The following CNTNAP2 variants were observed in gnomAD, a reference collection of about 807,000 sequenced individuals.
CNTNAP2 encodes the protein contactin-associated protein-like 2.
CNTNAP2 carries 98 observed loss-of-function variants against 155.2 expected under a neutral mutation model. That is an observed-to-expected ratio of 0.63 (90% confidence interval 0.54 to 0.75). The LOEUF (loss-of-function observed/expected upper bound fraction) is 0.75, where lower values mean the gene tolerates loss of function less well. Among genes scored for constraint, CNTNAP2 ranks in the 30% least tolerant of loss-of-function variants. CNTNAP2 has a pLI of 0.00. For missense variants in CNTNAP2, 1,727 were observed against 1,688.1 expected, an observed-to-expected ratio of 1.02 and a Z score of -0.40; for synonymous variants, 651 against 631.2, an observed-to-expected ratio of 1.03 and a Z score of -0.47.
chr7:146,688,888 A>G (rs1476755157), intron 1 of CNTNAP2, among the ~76,000 whole-genome samples: 1 of 152,198 alleles, frequency 6.6e-6, no homozygotes, highest in Non-Finnish European at 1.5e-5. Context: ...TTAGCTGATT[A>G]CAGCATGCAT....
At position 147,739,048 on chromosome 7, in the gene CNTNAP2, C is replaced by T. The variant is rs140256204; in HGVS notation, c.2098+99742C>T. Reference sequence around the variant, plus strand: ...TTCTGGCAGTCTTGAACCAAGTGTACGATATCTCCAAGATATGCCTGTACC... The same window carrying T: ...TTCTGGCAGTCTTGAACCAAGTGTATGATATCTCCAAGATATGCCTGTACC... On this transcript the variant is annotated intron_variant, in intron 13 of 23. Coordinates refer to ENST00000361727, the MANE Select transcript of CNTNAP2 (RefSeq NM_014141.6). 4.2e-3 allele frequency among the ~76,000 whole-genome samples: 644 copies of T among 151,878 alleles called. 3 individuals carry two copies. The highest frequency in any genetic ancestry group is 7.5e-3 in the Non-Finnish European group (511 of 67,994).
chr7:147,649,983 C>G (rs1012214910), intron 13 of CNTNAP2, among the ~76,000 whole-genome samples: 3 of 151,970 alleles, frequency 2.0e-5, no homozygotes, highest in African/African-American at 7.2e-5. Context: ...GAATATTACT[C>G]TCTAGTTTTT....
At chr7:146,204,688 T>A (rs1798919636) in intron 1 of CNTNAP2, among the ~76,000 whole-genome samples, 1 of 152,106 alleles carries the variant, frequency 6.6e-6, no homozygotes, top group South Asian at 2.1e-4. Context: ...TTAAAACATC[T>A]TAGATATTTA....
chr7:147,402,913 T>C (rs575387539), intron 10 of CNTNAP2, among the ~76,000 whole-genome samples: 224 of 146,524 alleles, frequency 1.5e-3, no homozygotes, highest in Middle Eastern at 7.1e-3. Context: ...TACTGACTGA[T>C]GAACCCTCCC....
At chr7:147,372,819 T>C (rs1263819296) in intron 9 of CNTNAP2, among the ~76,000 whole-genome samples, 1 of 151,966 alleles carries the variant, frequency 6.6e-6, no homozygotes, top group East Asian at 1.9e-4. Flanking sequence ...AGACTCCACC[T>C]ACCTGTGCAC....
In CNTNAP2 at chr7:146,857,457, G is replaced by A. The variant is rs115088021; in HGVS notation, c.402+17553G>A. Reference sequence around the variant, plus strand: ...TTAACAGGGTATTCTTTCAAAACCAGATTGCCTTATGTGAGTATATAAATA... The same window carrying A: ...TTAACAGGGTATTCTTTCAAAACCAAATTGCCTTATGTGAGTATATAAATA... On this transcript the variant is annotated intron_variant, in intron 3 of 23. Coordinates refer to ENST00000361727, the MANE Select transcript of CNTNAP2 (RefSeq NM_014141.6). Among the ~76,000 whole-genome samples the A allele has an allele frequency of 3.3e-3, 508 of 152,264 alleles. 3 individuals carry two copies. Among genetic ancestry groups the A allele is most frequent in the African/African-American group, 0.012 (490 of 41,550 alleles).
intron 1 of CNTNAP2, among the ~76,000 whole-genome samples, chr7:146,767,191 A>G (rs1329823727): frequency 2.0e-5 from 3 of 152,184 alleles, no homozygotes. Context: ...ATGCAATTTT[A>G]TGACCTGTTT....
chr7:147,548,061 T>A (rs2116758899), intron 11 of CNTNAP2, among the ~76,000 whole-genome samples: 1 of 152,298 alleles, frequency 6.6e-6, no homozygotes, highest in East Asian at 1.9e-4. Context: ...AGTGCTGCAG[T>A]AAACATGTGT....
intron 1 of CNTNAP2, among the ~76,000 whole-genome samples, chr7:146,767,377 G>T (rs1373011228): frequency 6.6e-6 from 1 of 151,828 alleles, no homozygotes; most frequent in African/African-American, 2.4e-5. Flanking sequence ...TTAAAGACCA[G>T]ATTGTAAATG....
chr7:147,871,507 C>A (rs571766418), intron 13 of CNTNAP2, among the ~76,000 whole-genome samples: 2 of 152,254 alleles, frequency 1.3e-5, no homozygotes, highest in South Asian at 4.2e-4. Context: ...TGGTTCTTTT[C>A]CCCTCCTGGG....
chr7:147,386,879 A>C (rs530264000), intron 9 of CNTNAP2, among the ~76,000 whole-genome samples: 17 of 152,306 alleles, frequency 1.1e-4, no homozygotes, highest in Admixed American at 1.0e-3. Flanking sequence ...GAGACTGGGC[A>C]ATTTACCAAA....
chr7:146,346,766 G>C (rs377713550), intron 1 of CNTNAP2, among the ~76,000 whole-genome samples: 9 of 152,086 alleles, frequency 5.9e-5, no homozygotes, highest in African/African-American at 1.7e-4. Context: ...ATGATCTAAC[G>C]TGGGACAGTT....
intron 9 of CNTNAP2, among the ~76,000 whole-genome samples, chr7:147,322,832 ATTTC>A (rs1384064898): frequency 3.0e-5 from 4 of 134,950 alleles, no homozygotes; most frequent in Non-Finnish European, 4.6e-5. Context: ...GAATGTATCC[ATTTC>A]TTCTAGATTT....
At chr7:147,424,134 A>G (rs1797341289) in intron 10 of CNTNAP2, among the ~76,000 whole-genome samples, 1 of 151,808 alleles carries the variant, frequency 6.6e-6, no homozygotes, top group Admixed American at 6.6e-5. Flanking sequence ...CCGCTGCTCC[A>G]TTTCCTCCTC....
At chr7:147,676,137 G>T (rs1795863082) in intron 13 of CNTNAP2, among the ~76,000 whole-genome samples, 1 of 151,682 alleles carries the variant, frequency 6.6e-6, no homozygotes, top group Non-Finnish European at 1.5e-5. Context: ...TGCAGCAGAA[G>T]TTACAAAAGA....
Position 146,543,427 on chromosome 7 carries a change from C to T in CNTNAP2, c.98-230844C>T, listed in dbSNP as rs1405173. Among the ~76,000 whole-genome samples, 3 of 151,740 alleles carry T rather than the reference C, an allele frequency of 2.0e-5. No homozygotes were observed. In the South Asian group the frequency reaches 6.2e-4, roughly 31 times the overall value. ...ATTCCCCTTTCCATTCAGCCCCCTC[C>T]CATAAGTAAGGATTGTTTTTCTAGC... On this transcript the variant is annotated intron_variant, in intron 1 of 23. Coordinates refer to ENST00000361727, the MANE Select transcript of CNTNAP2 (RefSeq NM_014141.6).
chr7:146,874,570 C>G (rs1047614289), intron 3 of CNTNAP2, among the ~76,000 whole-genome samples: 4 of 152,040 alleles, frequency 2.6e-5, no homozygotes, highest in African/African-American at 9.7e-5. Flanking sequence ...AACTCCTGAC[C>G]TCAGGTGATC....
intron 13 of CNTNAP2, among the ~76,000 whole-genome samples, chr7:147,790,965 A>G (rs1176414830): frequency 1.3e-5 from 2 of 152,242 alleles, no homozygotes; most frequent in Non-Finnish European, 2.9e-5. Flanking sequence ...CATTTTTACC[A>G]AAGCCTACAA....
intron 13 of CNTNAP2, among the ~76,000 whole-genome samples, chr7:147,860,913 A>G (rs1416905511): frequency 6.6e-6 from 1 of 152,214 alleles, no homozygotes; most frequent in Non-Finnish European, 1.5e-5. Context: ...GATGATGACA[A>G]AGGGATTTCA....
Sources: gnomAD v4.1 joint callset for allele counts (sites outside exome capture counted in the v4.1 genomes callset) on GRCh38, gnomAD v4.1.1 for gene constraint, MANE v1.5 for transcripts, NCBI Gene and HGNC (gene_info 2026-07-23, HGNC 2026-07-21) for gene names.